Variants in CUL4A observed in about 807,000 individuals in gnomAD.
CUL4A encodes cullin 4A.
A neutral mutation model predicts 95.5 loss-of-function variants in CUL4A; 16 were observed. The ratio of observed to expected loss-of-function variants is 0.17; its 90% CI spans 0.11 to 0.25. The LOEUF is 0.25. Ranked by LOEUF, CUL4A falls within the 10% of genes least tolerant of loss-of-function variation. The pLI is 1.00. For missense variants in CUL4A, 610 were observed against 937.0 expected (o/e 0.65, Z 4.56); for synonymous variants, 380 against 353.1 (o/e 1.08, Z -0.85).
At position 113,260,771 on chromosome 13, in the gene CUL4A, A is replaced by G. The variant is rs2042254209; in HGVS notation, c.2184+12A>G. On this transcript the variant is annotated intron_variant, in intron 19 of 19. Coordinates refer to ENST00000375440, the MANE Select transcript of CUL4A (RefSeq NM_001008895.4). ...AATTTCCAGTAAAGGTAAATGTAAC[A>G]TTAGCATAATTAAATTTGTAGTATT... 4 of 1,520,058 alleles carry G rather than the reference A, an allele frequency of 2.6e-6. No individual in the cohort carries two copies. The highest frequency in any genetic ancestry group is 1.2e-5 in the South Asian group (1 of 83,986). 94.2% of individuals were successfully genotyped at this position (1,520,058 alleles called of 1,614,324 possible).
chr13:113,217,036 T>C (rs1483279693), intron 2 of CUL4A, among the ~76,000 whole-genome samples: 1 of 152,212 alleles, frequency 6.6e-6, no homozygotes, highest in Non-Finnish European at 1.5e-5. Flanking sequence ...TTATAAAATA[T>C]TTAGTCATTT....
At chr13:113,235,592 G>A (rs2041511278) in intron 8 of CUL4A, among the ~76,000 whole-genome samples, 1 of 152,136 alleles carries the variant, frequency 6.6e-6, no homozygotes, top group Non-Finnish European at 1.5e-5. Context: ...GAGATTATGT[G>A]AGCGTGTGTG....
chr13:113,254,811 C>T lies in CUL4A; in HGVS notation c.1858+13C>T. ...GCCACGGGGATAGGTACGAAAACTG[C>T]AGAGTGCATAGCTCCATGAGTTGTT... On this transcript the variant is annotated intron_variant, in intron 17 of 19. Coordinates refer to ENST00000375440, the MANE Select transcript of CUL4A (RefSeq NM_001008895.4). 6.2e-7 allele frequency: 1 copy of T among 1,602,032 alleles called. No individual in the cohort carries two copies. The highest frequency in any genetic ancestry group is 1.7e-4 in the Middle Eastern group (1 of 6,036).
chr13:113,257,450 A>G (rs1016715627), intron 18 of CUL4A, among the ~76,000 whole-genome samples: 3 of 152,238 alleles, frequency 2.0e-5, no homozygotes, highest in South Asian at 2.1e-4. Context: ...CTGTACAGGA[A>G]GCATGGTGCC....
At chr13:113,211,843 T>C (rs540404133) in intron 2 of CUL4A, among the ~76,000 whole-genome samples, 2 of 152,324 alleles carry the variant, frequency 1.3e-5, no homozygotes, top group South Asian at 4.1e-4. Context: ...GTACGGAATT[T>C]CTTGTTTTTG....
intron 6 of CUL4A, 113 bp downstream of exon 6, chr13:113,233,452 A>G: frequency 9.6e-7 from 1 of 1,039,730 alleles, no homozygotes; most frequent in East Asian, 2.5e-5. Context: ...TTTGTTGAAG[A>G]TAGGAGAGTC....
intron 5 of CUL4A, among the ~76,000 whole-genome samples, chr13:113,232,614 A>G (rs1303011103): frequency 6.6e-6 from 1 of 152,172 alleles, no homozygotes; most frequent in Non-Finnish European, 1.5e-5. Context: ...CCATCTTCCT[A>G]ACATTCCTCA....
upstream of CUL4A, chr13:113,208,977 A>C: frequency 9.6e-7 from 1 of 1,038,794 alleles, no homozygotes; most frequent in Non-Finnish European, 1.2e-6. Flanking sequence ...CCTTGTGAAA[A>C]CCAGGCCGCG....
At chr13:113,245,672 G>A (rs1263721199) in intron 14 of CUL4A, among the ~76,000 whole-genome samples, 1 of 152,158 alleles carries the variant, frequency 6.6e-6, no homozygotes, top group African/African-American at 2.4e-5. Flanking sequence ...TATGTAAGAA[G>A]AAAATTACAC....
At chr13:113,225,986 C>G (rs1409998293) in intron 3 of CUL4A, among the ~76,000 whole-genome samples, 1 of 152,184 alleles carries the variant, frequency 6.6e-6, no homozygotes, top group African/African-American at 2.4e-5. Flanking sequence ...ATAGAGTAAG[C>G]TGTCTTAGCC....
Position 113,209,832 on chromosome 13 carries a change from C to T in CUL4A, c.148+57C>T, listed in dbSNP as rs559259320. 1.4e-3 allele frequency: 1,618 copies of T among 1,166,008 alleles called. 9 individuals are homozygous for T. In the African/African-American group the frequency reaches 0.016, roughly 12 times the overall value. The allele number at this position is 1,166,008 out of a possible 1,614,324, so 72.2% of individuals were successfully genotyped here. Reference sequence around the variant, plus strand: ...GCCCCGGGCGGGGACCCCACGAGACCCCGCCCGACTTGGGGGGAAGGCCCC... The same window carrying T: ...GCCCCGGGCGGGGACCCCACGAGACTCCGCCCGACTTGGGGGGAAGGCCCC... On this transcript the variant is annotated intron_variant, in intron 1 of 19. Transcript: ENST00000375440.
intron 2 of CUL4A, among the ~76,000 whole-genome samples, chr13:113,217,245 C>G (rs192207101): frequency 1.3e-5 from 2 of 152,054 alleles, no homozygotes; most frequent in South Asian, 2.1e-4. Flanking sequence ...AAACCTTTGT[C>G]GTAAAGTTCT....
In CUL4A at chr13:113,243,059, T is replaced by C; in HGVS notation, c.1127T>C (p.Ile376Thr). The change falls in exon 11 of 20, where the codon ATC becomes ACC. Residue 376 changes from isoleucine to threonine, a missense_variant. This residue lies in a region of CUL4A where 153 missense variants were observed against 244.5 expected (regional missense o/e 0.63). Transcript: ENST00000375440. ...LDFKDKVDHV[I>T]EVCFQKNERF... ...TTCAAGGACAAGGTGGACCACGTGA[T>C]CGAGGTCTGCTTCCAGAAGAATGAG... 6.2e-7 allele frequency: 1 copy of C among 1,614,096 alleles called. No individual in the cohort carries two copies. Among genetic ancestry groups the C allele is most frequent in the Non-Finnish European group, 8.5e-7 (1 of 1,179,924 alleles).
chr13:113,252,994 A>G (rs1566368204), intron 15 of CUL4A, 88 bp from the exon 16 acceptor site: 2 of 593,210 alleles, frequency 3.4e-6, no homozygotes, highest in Admixed American at 2.7e-5. Flanking sequence ...TTCAGCCGTG[A>G]GAAATTGTAA....
intron 18 of CUL4A, among the ~76,000 whole-genome samples, chr13:113,255,392 A>G (rs2042094951): frequency 1.3e-5 from 2 of 152,176 alleles, no homozygotes; most frequent in African/African-American, 2.4e-5. Flanking sequence ...CCATGGTCAT[A>G]GGGTTTCGAA....
chr13:113,213,774 C>G (rs1177048944), intron 2 of CUL4A, among the ~76,000 whole-genome samples: 4 of 152,216 alleles, frequency 2.6e-5, no homozygotes, highest in African/African-American at 9.6e-5. Context: ...CTGGTTCCTC[C>G]TTGGAATGAG....
intron 15 of CUL4A, among the ~76,000 whole-genome samples, chr13:113,248,346 C>G (rs899695936): frequency 6.6e-6 from 1 of 152,128 alleles, no homozygotes; most frequent in African/African-American, 2.4e-5. Flanking sequence ...ATTTCTCTCT[C>G]TTTATATCAT....
chr13:113,221,722 C>T (rs976491493), intron 3 of CUL4A, among the ~76,000 whole-genome samples: 24 of 152,134 alleles, frequency 1.6e-4, no homozygotes, highest in Admixed American at 9.8e-4. Context: ...GGATTACAGG[C>T]GCCCACCACC....
At chr13:113,231,887 T>A (rs1423283919) in intron 5 of CUL4A, among the ~76,000 whole-genome samples, 2 of 152,034 alleles carry the variant, frequency 1.3e-5, no homozygotes, top group African/African-American at 4.8e-5. Context: ...TCTCCACCAT[T>A]GAGGTGGCTC....
Sources: allele counts gnomAD v4.1 joint callset (sites outside exome capture counted in the v4.1 genomes callset), GRCh38; gene constraint gnomAD v4.1.1; regional missense constraint gnomAD v4.1.1; transcripts MANE v1.5; gene names NCBI Gene and HGNC (gene_info 2026-07-23, HGNC 2026-07-21).